DCDC1: variants seen among roughly 807,000 people sequenced by gnomAD.
DCDC1 encodes the protein doublecortin domain containing 1, also known as doublecortin domain-containing protein 1.
A neutral mutation model predicts 178.3 loss-of-function variants in DCDC1; 200 were observed. The observed-to-expected ratio is 1.12, with a 90% CI of 1.00 to 1.26. The LOEUF (loss-of-function observed/expected upper bound fraction) is 1.26. Among genes scored for constraint, DCDC1 ranks in the 50% most tolerant of loss-of-function variants. The probability of loss-of-function intolerance (pLI) is 0.00; values close to 1 mark genes in which losing one functional copy is unlikely to be tolerated. For synonymous variants in DCDC1, 690 were observed against 604.8 expected, an observed-to-expected ratio of 1.14 and a Z score of -2.07; for missense variants, 1,983 against 1,749.2, an observed-to-expected ratio of 1.13 and a Z score of -2.38.
chr11:30,920,796 T>G lies in DCDC1; in HGVS notation c.3273A>C (p.Glu1091Asp), dbSNP rs747406610. ...KQMQEDPLTT[E>D]NASSEILDSH... is the part of the protein sequence containing the mutation. ...CTTACAGAATTTCACTGGAAGCATT[T>G]TCCGTTGTTAGAGGATCTTCTTGCA... Residue 1091 changes from glutamate to aspartate, a missense_variant, in exon 25 of 39, where the codon GAA becomes GAC. Transcript: ENST00000684477. 1 of 1,613,658 alleles carries G rather than the reference T, an allele frequency of 6.2e-7. No individual in the cohort carries two copies. The highest frequency in any genetic ancestry group is 1.1e-5 in the South Asian group (1 of 91,008).
intron 9 of DCDC1, among the ~76,000 whole-genome samples, chr11:31,225,866 A>T (rs996294564): frequency 6.6e-6 from 1 of 151,932 alleles, no homozygotes; most frequent in Non-Finnish European, 1.5e-5. Context: ...ATTTTGAAAT[A>T]AGGAAAACAA....
intron 18 of DCDC1, among the ~76,000 whole-genome samples, chr11:31,073,002 G>A (rs947335949): frequency 1.3e-5 from 2 of 152,010 alleles, no homozygotes; most frequent in African/African-American, 4.8e-5. Flanking sequence ...TAAATAACAT[G>A]AGCTCCATTT....
At chr11:30,931,227 A>G (rs1946903624) in intron 22 of DCDC1, among the ~76,000 whole-genome samples, 1 of 152,056 alleles carries the variant, frequency 6.6e-6, no homozygotes, top group Non-Finnish European at 1.5e-5. Context: ...CTATTGGGAA[A>G]ATTTTATCCC....
intron 7 of DCDC1, among the ~76,000 whole-genome samples, chr11:31,285,316 A>G (rs1460155904): frequency 6.6e-6 from 1 of 152,176 alleles, no homozygotes; most frequent in African/African-American, 2.4e-5. Flanking sequence ...AACAAGTAAT[A>G]TCAATGGACT....
chr11:31,343,902 A>G (rs1565638346), intron 1 of DCDC1, among the ~76,000 whole-genome samples: 1 of 149,674 alleles, frequency 6.7e-6, no homozygotes, highest in East Asian at 2.0e-4. Flanking sequence ...CCTGGGCAAC[A>G]GAGTGAGACT....
rs184199062 is a variant in DCDC1 at position 31,137,630 on chromosome 11, A to C, written c.1314+62T>G. ...CCCAAAGTGCGGGGATTACAGGCGT[A>C]AGCCACTGTGCCTGGCCCTCATTGC... On this transcript the variant is annotated intron_variant, in intron 10 of 38. Transcript: ENST00000684477. 4.1e-3 allele frequency: 2,785 copies of C among 683,320 alleles called. 9 individuals carry two copies. Among genetic ancestry groups the C allele is most frequent in the Non-Finnish European group, 6.2e-3 (2,314 of 374,874 alleles). The allele number at this position is 683,320 out of a possible 1,614,324, so 42.3% of individuals were successfully genotyped here.
chr11:30,901,793 A>AT (rs1331602590), intron 32 of DCDC1, among the ~76,000 whole-genome samples: 8 of 152,294 alleles, frequency 5.3e-5, no homozygotes, highest in African/African-American at 7.2e-5. Context: ...GCAGAAATAT[A>AT]TGCTTCAGCA....
Position 31,167,425 on chromosome 11 carries a change from C to T in DCDC1, c.1222-29641G>A, listed in dbSNP as rs1966846400. Among the ~76,000 whole-genome samples the T allele has an allele frequency of 2.0e-5, 3 of 151,978 alleles. No individual in the cohort carries two copies. The South Asian group carries it at 6.2e-4, about 32-fold the overall frequency. On this transcript the variant is annotated intron_variant, in intron 9 of 38. Transcript: ENST00000684477. ...CATTTAATTTCATGAGTTCTTTTTT[C>T]CCTTGCCCTTTAGATTTTACTAGTC...
At chr11:31,251,734 G>C (rs1022724604) in intron 8 of DCDC1, among the ~76,000 whole-genome samples, 4 of 152,112 alleles carry the variant, frequency 2.6e-5, no homozygotes, top group Admixed American at 1.3e-4. Flanking sequence ...AGTCAGGAAA[G>C]TTTCTCAGAA....
chr11:31,224,128 G>T (rs960840661), intron 9 of DCDC1, among the ~76,000 whole-genome samples: 3 of 151,896 alleles, frequency 2.0e-5, no homozygotes, highest in Non-Finnish European at 4.4e-5. Context: ...TGATTCTGAG[G>T]CCTCCCCAGA....
chr11:30,924,461 CT>C (rs907523414), intron 23 of DCDC1, among the ~76,000 whole-genome samples: 5 of 151,332 alleles, frequency 3.3e-5, no homozygotes, highest in African/African-American at 4.9e-5. Flanking sequence ...AGGAAGGTAT[CT>C]TTTTTTTTAA....
intron 11 of DCDC1, among the ~76,000 whole-genome samples, chr11:31,111,975 T>C (rs1468216304): frequency 6.6e-6 from 1 of 152,180 alleles, no homozygotes; most frequent in African/African-American, 2.4e-5. Flanking sequence ...CTGCTGATAA[T>C]AAGCCTTCCC....
At chr11:31,022,643 TTGTGTGTGTGTGTGTGTGTG>T (rs4067986) in intron 20 of DCDC1, among the ~76,000 whole-genome samples, 3 of 121,048 alleles carry the variant, frequency 2.5e-5, no homozygotes, top group Non-Finnish European at 3.4e-5. Context: ...GTCTTTTAGT[TTGTGTGTGTGTGTGTGTGTG>T]TGTGTGTGTG....
chr11:31,109,768 T>A (rs1211650013), intron 12 of DCDC1, among the ~76,000 whole-genome samples: 5 of 152,122 alleles, frequency 3.3e-5, no homozygotes, highest in Non-Finnish European at 7.4e-5. Flanking sequence ...AGCCTGAGCA[T>A]GTTGGTTCTG....
At chr11:31,356,015 G>A (rs1212738239) in intron 1 of DCDC1, among the ~76,000 whole-genome samples, 2 of 152,046 alleles carry the variant, frequency 1.3e-5, no homozygotes, top group Non-Finnish European at 1.5e-5. Context: ...ATTCCCAATC[G>A]CCCTTCTCTC....
At chr11:31,071,820 G>A (rs1215897950) in intron 18 of DCDC1, among the ~76,000 whole-genome samples, 1 of 152,108 alleles carries the variant, frequency 6.6e-6, no homozygotes, top group Non-Finnish European at 1.5e-5. Flanking sequence ...GGCCCACATG[G>A]CAAAGGAACT....
chr11:31,269,371 A>C (rs1162758733), intron 7 of DCDC1, among the ~76,000 whole-genome samples: 1 of 148,714 alleles, frequency 6.7e-6, no homozygotes, highest in Admixed American at 6.8e-5. Flanking sequence ...ACACATTCAC[A>C]TTTTGTTAAT....
intron 9 of DCDC1, among the ~76,000 whole-genome samples, chr11:31,147,992 A>T (rs1964637482): frequency 6.6e-6 from 1 of 152,176 alleles, no homozygotes; most frequent in Admixed American, 6.5e-5. Flanking sequence ...CCCACCCCTT[A>T]GCTCGCAGAG....
intron 7 of DCDC1, among the ~76,000 whole-genome samples, chr11:31,271,562 T>C (rs1431271039): frequency 6.6e-6 from 1 of 152,222 alleles, no homozygotes; most frequent in Non-Finnish European, 1.5e-5. Flanking sequence ...GTTTGGCTTT[T>C]TTACCATCAC....
Sources: allele counts gnomAD v4.1 joint callset (sites outside exome capture counted in the v4.1 genomes callset), GRCh38; gene constraint gnomAD v4.1.1; transcripts MANE v1.5; gene names NCBI Gene and HGNC (gene_info 2026-07-23, HGNC 2026-07-21).